FAT2: variants seen among roughly 807,000 people sequenced by gnomAD.
The protein encoded by FAT2 is protocadherin Fat 2.
FAT2 carries 150 observed loss-of-function variants against 295.3 expected under a neutral mutation model. That is an observed-to-expected ratio of 0.51 (90% CI 0.44 to 0.58). The LOEUF (loss-of-function observed/expected upper bound fraction) is 0.58, where lower values mean the gene tolerates loss of function less well. Ranked by LOEUF, FAT2 falls within the 20% of genes least tolerant of loss-of-function variation. The pLI is 0.00. For synonymous variants in FAT2, 2,026 were observed against 2,150.3 expected, an observed-to-expected ratio of 0.94 and a Z score of 1.60; for missense variants, 4,868 against 5,442.7, an observed-to-expected ratio of 0.89 and a Z score of 3.32.
At position 151,554,603 on chromosome 5, in the gene FAT2, A is replaced by T. The variant is rs2127631388; in HGVS notation, c.3704T>A (p.Val1235Asp). 6.2e-7 allele frequency: 1 copy of T among 1,614,202 alleles called. No homozygotes were observed. ...TSRVVVGILD[V>D]NDNPPIFSHK... ...GGAGAATATAGGTGGATTGTCATTG[A>T]CGTCCAAGATGCCTACCACCACCCT... Residue 1235 changes from valine (V) to aspartate (D), a missense_variant, in exon 5 of 24, where the codon GTC (valine) becomes GAC (aspartate). Val to Asp is a radical substitution (Grantham distance 152). Transcript: ENST00000261800.
rs766837415 is a variant in FAT2, at chr5:151,544,897, G to A, written c.6230C>T (p.Thr2077Ile). ...PPKFKHLPYY[T>I]IIQDGTEPGD... Reference sequence around the variant, plus strand: ...TGGCTCTGTGCCATCTTGGATGATTGTGTAATAGGGCAGATGCTTAAATTT... The same window carrying A: ...TGGCTCTGTGCCATCTTGGATGATTATGTAATAGGGCAGATGCTTAAATTT... The change falls in exon 10 of 24, where the codon ACA becomes ATA. Residue 2077 changes from threonine to isoleucine, a missense_variant. By Grantham distance (89) the Thr-to-Ile change is moderately conservative (BLOSUM62 -1). Transcript: ENST00000261800. The A allele has an allele frequency of 1.9e-6, 3 of 1,614,140 alleles. No individual in the cohort carries two copies. Among genetic ancestry groups the A allele is most frequent in the Non-Finnish European group, 2.5e-6 (3 of 1,180,028 alleles).
chr5:151,535,954 C>T (rs939231676), intron 12 of FAT2, among the ~76,000 whole-genome samples: 24 of 151,970 alleles, frequency 1.6e-4, no homozygotes, highest in Admixed American at 9.2e-4. Context: ...GAGGTTTTTC[C>T]GAAACACCAT....
chr5:151,549,386 G>T lies in FAT2; in HGVS notation c.4698C>A (p.Asp1566Glu), dbSNP rs201215070. The change falls in exon 9 of 24, where the codon GAC (aspartate) becomes GAA (glutamate). Residue 1566 changes from aspartate (D) to glutamate (E), a missense_variant. Coordinates refer to ENST00000261800, the MANE Select transcript of FAT2 (RefSeq NM_001447.3). ...GCAGCTCTGTGCCGGGGGCTATGGT[G>T]TCAGGAACACTTGCCTCATAATGGA... ...TQLHYEASVP[D>E]TIAPGTELLQ... 172 of 1,614,158 alleles carry T rather than the reference G, an allele frequency of 1.1e-4. No homozygotes were observed. Among genetic ancestry groups the T allele is most frequent in the Non-Finnish European group, 1.7e-6 (2 of 1,180,022 alleles).
chr5:151,568,175 G>T lies in FAT2; in HGVS notation c.757C>A (p.Pro253Thr). ...VVHVEPALRK[P>T]PAIASVVVTP... is the part of the protein sequence containing the mutation. ...ACCACCACCGAAGCAATGGCTGGGG[G>T]CTTCCTGAGGGCAGGCTCCACATGA... is the stretch of plus-strand genomic sequence containing the variant. Residue 253 changes from proline (P) to threonine (T), a missense_variant, in exon 2 of 24, where the codon CCC (proline) becomes ACC (threonine). Physicochemically the swap from Pro to Thr is conservative, Grantham distance 38 (BLOSUM62 -1). Transcript: ENST00000261800. The T allele has an allele frequency of 6.2e-7, 1 of 1,614,106 alleles. No homozygotes were observed. The highest frequency in any genetic ancestry group is 1.7e-5 in the Admixed American group (1 of 60,026).
intron 1 of FAT2, among the ~76,000 whole-genome samples, chr5:151,578,058 G>A (rs1213893795): frequency 1.3e-5 from 2 of 151,808 alleles, no homozygotes; most frequent in Non-Finnish European, 2.9e-5. Context: ...CTCCAGCTTA[G>A]CAGAATACTG....
At chr5:151,532,381 G>A (rs910725017) in intron 13 of FAT2, among the ~76,000 whole-genome samples, 17 of 99,112 alleles carry the variant, frequency 1.7e-4, no homozygotes, top group East Asian at 1.1e-3. Flanking sequence ...CTAAGTGTGC[G>A]TGTACAAACA....
chr5:151,522,189 C>T (rs1238969800), intron 18 of FAT2, 103 bp from the exon 19 acceptor site: 1 of 929,680 alleles, frequency 1.1e-6, no homozygotes, highest in Non-Finnish European at 1.6e-6. Context: ...CTGCCCCACG[C>T]CCAACTTGAG....
Position 151,537,943 on chromosome 5 carries a change from G to A in FAT2, c.9043C>T (p.Leu3015Phe), listed in dbSNP as rs1178527363. 2 of 1,613,758 alleles carry A rather than the reference G, an allele frequency of 1.2e-6. No individual in the cohort carries two copies. Among genetic ancestry groups the A allele is most frequent in the Non-Finnish European group, 1.7e-6 (2 of 1,179,830 alleles). Residue 3015 changes from leucine to phenylalanine, a missense_variant, in exon 12 of 24, where the codon CTC becomes TTC. By Grantham distance (22) the Leu-to-Phe change is conservative. Transcript: ENST00000261800. ...NDNSPQCSQL[L>F]YTGKVHEDVF... ...TCTTCATGAACCTTGCCAGTATAGA[G>A]AAGCTAGAGATGGAAAGACAAAGAA...
chr5:151,525,081 T>G (rs541793835), intron 18 of FAT2, among the ~76,000 whole-genome samples: 1 of 152,350 alleles, frequency 6.6e-6, no homozygotes, highest in South Asian at 2.1e-4. Flanking sequence ...TGGCCTCGCA[T>G]GTAGTAGATG....
At chr5:151,525,436 C>T (rs1008985546) in intron 18 of FAT2, among the ~76,000 whole-genome samples, 1 of 152,166 alleles carries the variant, frequency 6.6e-6, no homozygotes, top group Non-Finnish European at 1.5e-5. Flanking sequence ...GGTGTTTTGC[C>T]CAGGCACAGA....
intron 6 of FAT2, among the ~76,000 whole-genome samples, chr5:151,552,707 AG>A (rs1478842992): frequency 6.6e-6 from 1 of 152,218 alleles, no homozygotes; most frequent in Non-Finnish European, 1.5e-5. Flanking sequence ...AGGCCATCAG[AG>A]CCCGGATCCA....
In FAT2 at chr5:151,531,579, G is replaced by A. The variant is rs1319631928; in HGVS notation, c.9811+8C>T. Reference sequence around the variant, plus strand: ...GATGCTTTGGGGCTTGGTGGATCAGGCTCTCACCTGTGCGAGCATCCAGGC... The same window carrying A: ...GATGCTTTGGGGCTTGGTGGATCAGACTCTCACCTGTGCGAGCATCCAGGC... On this transcript the variant is annotated splice_region_variant and intron_variant, in intron 14 of 23. Coordinates refer to ENST00000261800, the MANE Select transcript of FAT2 (RefSeq NM_001447.3). This position sits in a 1 kb window ranked among gnomAD's most constrained non-coding sequence, Gnocchi z 5.7. 1.2e-6 allele frequency: 2 copies of A among 1,611,940 alleles called. No homozygotes were observed. Among genetic ancestry groups the A allele is most frequent in the Middle Eastern group, 2.2e-4 (1 of 4,572 alleles).
intron 1 of FAT2, among the ~76,000 whole-genome samples, chr5:151,584,515 G>A (rs547980023): frequency 2.6e-5 from 4 of 152,200 alleles, no homozygotes; most frequent in Admixed American, 6.5e-5. Context: ...CAAGTGGCCC[G>A]GTCAAGACTC....
At position 151,545,687 on chromosome 5, in the gene FAT2, T is replaced by C. The variant is rs1756555931; in HGVS notation, c.5440A>G (p.Lys1814Glu). The stretch of plus-strand genomic sequence containing the variant: ...AGGGTTCCCATGCTGGGATCAATTT[T>C]GAAAAACTTCAAGGCCTCCGGCTCC... ...ILEPEALKFFKIDPSMGTLTI... is the reference protein window; with the variant it reads ...ILEPEALKFFEIDPSMGTLTI... Residue 1814 changes from lysine to glutamate, a missense_variant, in exon 10 of 24, where the codon AAA becomes GAA. Physicochemically the swap from Lys to Glu is moderately conservative, Grantham distance 56. This residue lies in a region of FAT2 where 3,297 missense variants were observed against 3,669.4 expected (regional missense o/e 0.90). Transcript: ENST00000261800. 1.9e-6 allele frequency: 3 copies of C among 1,614,222 alleles called. No individual in the cohort carries two copies. The highest frequency in any genetic ancestry group is 3.3e-5 in the Admixed American group (2 of 60,032).
chr5:151,551,328 T>C (rs1224568720), intron 7 of FAT2, 139 bp downstream of exon 7: 1 of 859,034 alleles, frequency 1.2e-6, no homozygotes, highest in African/African-American at 1.7e-5. Context: ...GTAGAGAGTG[T>C]ATTAGACAAG....
intron 1 of FAT2, among the ~76,000 whole-genome samples, chr5:151,583,707 T>G (rs530881617): frequency 6.6e-6 from 1 of 152,272 alleles, no homozygotes; most frequent in East Asian, 1.9e-4. Flanking sequence ...AAAAAGTTCT[T>G]TTTTTAGGGG....
chr5:151,569,444 C>A (rs909581366), intron 1 of FAT2, among the ~76,000 whole-genome samples: 48 of 152,148 alleles, frequency 3.2e-4, no homozygotes, highest in Non-Finnish European at 1.5e-4. Flanking sequence ...GATTCAATTA[C>A]CTCCCACTGG....
In FAT2 at chr5:151,532,527, A is replaced by AT. The variant is rs1183834976; in HGVS notation, c.9428-558dup. On this transcript the variant is annotated intron_variant, in intron 13 of 23. Coordinates refer to ENST00000261800, the MANE Select transcript of FAT2 (RefSeq NM_001447.3). ...CCAGTTTTGATATTATCCTACTGCT[A>AT]TGTAAGATGCTCCCATTAGGGAAGC... Among the ~76,000 whole-genome samples the AT allele has an allele frequency of 3.9e-5, 6 of 152,318 alleles. No individual in the cohort carries two copies. In the East Asian group the frequency reaches 9.6e-4, roughly 24 times the overall value.
intron 1 of FAT2, among the ~76,000 whole-genome samples, chr5:151,588,612 G>T (rs1344574929): frequency 2.0e-5 from 3 of 152,190 alleles, no homozygotes; most frequent in Non-Finnish European, 4.4e-5. Context: ...TCTTTTCTGT[G>T]CCAGGCACTG....
Sources: gnomAD v4.1 joint callset for allele counts (sites outside exome capture counted in the v4.1 genomes callset) on GRCh38, gnomAD v4.1.1 for gene constraint, gnomAD v4.1.1 regional missense constraint, Gnocchi (gnomAD v3.1) non-coding constraint, MANE v1.5 for transcripts, NCBI Gene and HGNC (gene_info 2026-07-23, HGNC 2026-07-21) for gene names.